Variants in VPS37A observed in about 807,000 individuals in gnomAD.
VPS37A encodes the protein vacuolar protein sorting-associated protein 37A.
A neutral mutation model predicts 49.8 loss-of-function variants in VPS37A; 30 were observed. The observed-to-expected ratio is 0.60, with a 90% confidence interval of 0.45 to 0.82. The LOEUF (loss-of-function observed/expected upper bound fraction) is 0.82. Ranked by LOEUF, VPS37A falls within the 40% of genes least tolerant of loss-of-function variation. VPS37A has a pLI of 0.00. For synonymous variants in VPS37A, 195 were observed against 160.6 expected (o/e 1.21, Z -1.62); for missense variants, 593 against 464.4 (o/e 1.28, Z -2.55).
intron 6 of VPS37A, among the ~76,000 whole-genome samples, chr8:17,277,347 T>C (rs1814606003): frequency 6.6e-6 from 1 of 152,134 alleles, no homozygotes; most frequent in African/African-American, 2.4e-5. Flanking sequence ...GTAGGAGTTC[T>C]CATTTAATAA....
the VPS37A span, among the ~76,000 whole-genome samples, chr8:17,322,557 T>G: frequency 1.3e-5 from 2 of 152,196 alleles, no homozygotes; most frequent in African/African-American, 4.8e-5. Context: ...CATTGGGTCA[T>G]GCCTGTAATC....
intron 4 of VPS37A, among the ~76,000 whole-genome samples, chr8:17,272,805 G>A (rs536561398): frequency 7.2e-5 from 11 of 151,730 alleles, no homozygotes; most frequent in African/African-American, 9.7e-5. Flanking sequence ...ATATTCACCT[G>A]GCTCAAAATT....
the VPS37A span, among the ~76,000 whole-genome samples, chr8:17,325,690 G>A: frequency 2.6e-5 from 4 of 152,256 alleles, no homozygotes; most frequent in Non-Finnish European, 5.9e-5. Context: ...ATACCCAAAG[G>A]CCTATGTCTT....
Position 17,281,881 on chromosome 8 carries a change from G to C in VPS37A, c.969+1438G>C, listed in dbSNP as rs547554663. Among the ~76,000 whole-genome samples, 8 of 152,068 alleles carry C rather than the reference G, an allele frequency of 5.3e-5. No homozygotes were observed. In the South Asian group the frequency reaches 1.7e-3, roughly 32 times the overall value. On this transcript the variant is annotated intron_variant, in intron 9 of 11. Coordinates refer to ENST00000324849, the MANE Select transcript of VPS37A (RefSeq NM_152415.3). ...CTTTATTGAATGCCATAAAAGAAGA[G>C]CTGAGTTTTGTATTTTCTAAGACTA...
intron 9 of VPS37A, among the ~76,000 whole-genome samples, chr8:17,281,528 A>G (rs1815052360): frequency 6.6e-6 from 1 of 152,020 alleles, no homozygotes. Context: ...ACTAGAAACC[A>G]GCAGTAAACC....
downstream of VPS37A, chr8:17,300,059 G>C (rs747210051): frequency 8.7e-6 from 14 of 1,614,016 alleles, no homozygotes; most frequent in Non-Finnish European, 1.2e-5. Flanking sequence ...TCATCGCCTT[G>C]TGAAGGGCTC....
intron 1 of VPS37A, among the ~76,000 whole-genome samples, chr8:17,250,155 C>A (rs1811837655): frequency 6.6e-6 from 1 of 152,104 alleles, no homozygotes; most frequent in Non-Finnish European, 1.5e-5. Flanking sequence ...AGGAGGAATT[C>A]TGGTTTCTAT....
At position 17,274,953 on chromosome 8, in the gene VPS37A, A is replaced by T. The variant is rs17687375; in HGVS notation, c.637A>T (p.Ile213Leu). The T allele has an allele frequency of 6.2e-7, 1 of 1,613,780 alleles. No homozygotes were observed. The highest frequency in any genetic ancestry group is 1.3e-5 in the African/African-American group (1 of 74,940). The change falls in exon 5 of 12, where the codon ATA becomes TTA. Residue 213 changes from isoleucine to leucine, a missense_variant. Ile to Leu is a conservative substitution (Grantham distance 5). Transcript: ENST00000324849. The part of the protein sequence containing the change: ...PLPIPTVDAS[I>L]PTSQNGFGYK... ...ACCCATTCCCACAGTGGATGCTTCA[A>T]TACCGGTTGGTATCGTCAGTTATCT...
downstream of VPS37A, chr8:17,301,736 G>A (rs542144737): frequency 3.0e-4 from 53 of 179,200 alleles, no homozygotes; most frequent in South Asian, 6.8e-3. Flanking sequence ...AGACTTTACA[G>A]TCAGTCTCCC....
At chr8:17,271,420 A>G (rs1813976837) in intron 4 of VPS37A, among the ~76,000 whole-genome samples, 1 of 152,176 alleles carries the variant, frequency 6.6e-6, no homozygotes, top group Non-Finnish European at 1.5e-5. Flanking sequence ...CCTGGCTAAC[A>G]CGGTGAAACC....
intron 1 of VPS37A, chr8:17,248,044 C>T: frequency 2.2e-6 from 1 of 463,534 alleles, no homozygotes; most frequent in South Asian, 2.2e-5. Flanking sequence ...TTCATTTTAT[C>T]ATGGTCAGTT....
intron 1 of VPS37A, among the ~76,000 whole-genome samples, chr8:17,261,296 A>G (rs1644625720): frequency 6.6e-6 from 1 of 152,140 alleles, no homozygotes; most frequent in Non-Finnish European, 1.5e-5. Flanking sequence ...CATATTTCTC[A>G]GTTCCAACAT....
chr8:17,266,956 A>G (rs1813520825), intron 2 of VPS37A, among the ~76,000 whole-genome samples: 1 of 151,942 alleles, frequency 6.6e-6, no homozygotes, highest in South Asian at 2.1e-4. Flanking sequence ...AATTTTCAGT[A>G]GAGACGAGGT....
At chr8:17,275,447 A>C (rs1390016664) in intron 5 of VPS37A, among the ~76,000 whole-genome samples, 1 of 152,340 alleles carries the variant, frequency 6.6e-6, no homozygotes, top group East Asian at 1.9e-4. Flanking sequence ...ATTGTCAAAG[A>C]CATTGAGGTA....
the VPS37A span, chr8:17,311,558 C>T: frequency 1.9e-6 from 3 of 1,614,108 alleles, no homozygotes. Context: ...AGCAGGCTTG[C>T]CACCGAGCAC....
At chr8:17,280,182 A>G (rs560249010) in intron 7 of VPS37A, 27 bp downstream of exon 7, 2 of 1,610,770 alleles carry the variant, frequency 1.2e-6, no homozygotes, top group African/African-American at 1.3e-5. Context: ...CTGAGCGCAC[A>G]TTTCCTGAAA....
At chr8:17,326,718 A>G in the VPS37A span, among the ~76,000 whole-genome samples, 1 of 152,110 alleles carries the variant, frequency 6.6e-6, no homozygotes, top group African/African-American at 2.4e-5. Flanking sequence ...CAACAACCAT[A>G]AGTGCTTGGA....
intron 1 of VPS37A, chr8:17,265,681 A>AAT (rs1554490964): frequency 8.2e-7 from 1 of 1,222,702 alleles, no homozygotes; most frequent in Non-Finnish European, 1.1e-6. Flanking sequence ...TCTTTACATC[A>AAT]TCATCCCCCT....
intron 2 of VPS37A, among the ~76,000 whole-genome samples, chr8:17,266,875 C>G (rs970539405): frequency 6.6e-6 from 1 of 152,108 alleles, no homozygotes; most frequent in South Asian, 2.1e-4. Context: ...CGGGTTCAAG[C>G]GATTCTCCTG....
Sources: gnomAD v4.1 joint callset for allele counts (sites outside exome capture counted in the v4.1 genomes callset) on GRCh38, gnomAD v4.1.1 for gene constraint, MANE v1.5 for transcripts, NCBI Gene and HGNC (gene_info 2026-07-23, HGNC 2026-07-21) for gene names.